Variants in ALG1L2 observed in about 807,000 individuals in gnomAD.
ALG1L2 encodes putative glycosyltransferase ALG1L2.
ALG1L2 carries 32 observed loss-of-function variants against 29.0 expected under a neutral mutation model. The observed-to-expected ratio is 1.10, with a 90% CI of 0.83 to 1.48. ALG1L2 has a LOEUF of 1.48. Ranked by LOEUF, ALG1L2 falls within the 40% of genes most tolerant of loss-of-function variation. ALG1L2 has a pLI of 0.00. For missense variants in ALG1L2, 318 were observed against 274.1 expected (o/e 1.16, Z -1.13); for synonymous variants, 110 against 109.5 (o/e 1.00, Z -0.03).
Position 130,096,240 on chromosome 3 carries a change from C to T in ALG1L2, c.539+77C>T, listed in dbSNP as rs1416588294. On this transcript the variant is annotated intron_variant, in intron 6 of 7. Coordinates refer to ENST00000425059, the MANE Select transcript of ALG1L2 (RefSeq NM_001136152.1). ...TGAGGGGGAAGCAGTGCAGAGTGAG[C>T]TGCCCACAGTGAGGCCCTGCCCCTC... 125 of 1,528,986 alleles carry T rather than the reference C, an allele frequency of 8.2e-5. 1 individual carries two copies. Among genetic ancestry groups the T allele is most frequent in the Non-Finnish European group, 1.0e-4 (114 of 1,123,558 alleles). 94.7% of individuals were successfully genotyped at this position (1,528,986 alleles called of 1,614,324 possible).
chr3:130,094,342 C>G, intron 4 of ALG1L2, 61 bp from the exon 5 acceptor site: 2 of 1,560,308 alleles, frequency 1.3e-6, no homozygotes, highest in Non-Finnish European at 1.7e-6. Context: ...TGTCTTGGGC[C>G]TGGGGCTATG....
At position 130,082,478 on chromosome 3, in the gene ALG1L2, C is replaced by A. The variant is rs1302039509; in HGVS notation, c.20+442C>A. On this transcript the variant is annotated intron_variant, in intron 1 of 7. Coordinates refer to ENST00000425059, the MANE Select transcript of ALG1L2 (RefSeq NM_001136152.1). ...TCAGCCTCCCAAGTAGCTGGGACTA[C>A]AGCCACCTGCCACCACGCCTGGCTA... 1.5e-5 allele frequency among the ~76,000 whole-genome samples: 2 copies of A among 133,210 alleles called. 1 individual carries two copies. The highest frequency in any genetic ancestry group is 3.5e-5 in the Non-Finnish European group (2 of 57,262). The allele number at this position is 133,210 out of a possible 152,430, so 87.4% of individuals were successfully genotyped here. A position where few individuals can be genotyped will look rare whatever the true frequency, so the allele number is the denominator to read the frequency against.
intron 1 of ALG1L2, chr3:130,090,926 G>A (rs1935001026): frequency 1.3e-5 from 4 of 306,272 alleles, no homozygotes; most frequent in South Asian, 9.7e-5. Flanking sequence ...AACAGACTAA[G>A]ACATTCCTCC....
In ALG1L2 at chr3:130,086,096, C is replaced by G. The variant is rs1288916379; in HGVS notation, c.20+4060C>G. Among the ~76,000 whole-genome samples, 9 of 151,692 alleles carry G rather than the reference C, an allele frequency of 5.9e-5. No homozygotes were observed. In the South Asian group the frequency reaches 1.3e-3, roughly 21 times the overall value. ...TGGACAGAAATCACCACGATCCCCTCTTGGCCCCAACCAACATACGCACAG... is the reference window on the plus strand; with the variant it reads ...TGGACAGAAATCACCACGATCCCCTGTTGGCCCCAACCAACATACGCACAG... On this transcript the variant is annotated intron_variant, in intron 1 of 7. Coordinates refer to ENST00000425059, the MANE Select transcript of ALG1L2 (RefSeq NM_001136152.1).
chr3:130,092,740 T>A (rs58991392), intron 3 of ALG1L2, among the ~76,000 whole-genome samples: 9,200 of 152,124 alleles, frequency 0.06, 355 homozygotes, highest in East Asian at 0.19. Context: ...TATTTAAAAA[T>A]TTTTTTCTGA....
At chr3:130,086,493 C>A (rs1934893027) in intron 1 of ALG1L2, among the ~76,000 whole-genome samples, 1 of 147,580 alleles carries the variant, frequency 6.8e-6, no homozygotes, top group African/African-American at 2.6e-5. Context: ...AAAGTGAGAC[C>A]TCGTCTCTAC....
chr3:130,087,248 C>T (rs1473810963), intron 1 of ALG1L2, among the ~76,000 whole-genome samples: 2 of 150,692 alleles, frequency 1.3e-5, no homozygotes, highest in Admixed American at 6.7e-5. Context: ...CTGTGATAGT[C>T]CCACCCCAAA....
At chr3:130,085,795 C>A (rs1264825901) in intron 1 of ALG1L2, among the ~76,000 whole-genome samples, 4 of 148,666 alleles carry the variant, frequency 2.7e-5, no homozygotes, top group Admixed American at 1.4e-4. Flanking sequence ...GAGGCAGAGA[C>A]CAGTGAGGGG....
intron 1 of ALG1L2, among the ~76,000 whole-genome samples, chr3:130,082,876 G>A (rs1934819606): frequency 7.0e-6 from 1 of 143,500 alleles, no homozygotes; most frequent in South Asian, 2.2e-4. Context: ...GATGCTGACA[G>A]CACCAAGAGG....
chr3:130,097,256 CA>C lies in ALG1L2; in HGVS notation c.615+7del. 1 of 1,607,200 alleles carries C rather than the reference CA, an allele frequency of 6.2e-7. No individual in the cohort carries two copies. The highest frequency in any genetic ancestry group is 1.1e-5 in the South Asian group (1 of 90,982). On this transcript the variant is annotated splice_region_variant and intron_variant, in intron 7 of 7. Coordinates refer to ENST00000425059, the MANE Select transcript of ALG1L2 (RefSeq NM_001136152.1). ...AACTGGCAGCTCAGCTGCAGGTAGC[CA>C]TGTCTGCCACCACGCCAGGGTGGAC...
intron 1 of ALG1L2, among the ~76,000 whole-genome samples, chr3:130,084,792 T>C (rs1934856338): frequency 7.8e-6 from 1 of 128,176 alleles, no homozygotes; most frequent in Non-Finnish European, 1.8e-5. Context: ...TGCCAACTCC[T>C]TATCTTGTGG....
chr3:130,082,451 C>T (rs1203551279), intron 1 of ALG1L2, among the ~76,000 whole-genome samples: 2 of 133,258 alleles, frequency 1.5e-5, no homozygotes, highest in Admixed American at 1.6e-4. Flanking sequence ...GATTCTCCTG[C>T]CTCAGCCTCC....
chr3:130,096,608 G>A (rs1009680890), intron 6 of ALG1L2, among the ~76,000 whole-genome samples: 16 of 152,182 alleles, frequency 1.1e-4, no homozygotes, highest in African/African-American at 3.6e-4. Flanking sequence ...TCAGTTAAAT[G>A]AGTGTCATGC....
At chr3:130,088,358 C>T (rs922673394) in intron 1 of ALG1L2, among the ~76,000 whole-genome samples, 7 of 152,302 alleles carry the variant, frequency 4.6e-5, no homozygotes, top group Non-Finnish European at 8.8e-5. Context: ...GTAACTAAAT[C>T]ACGGGGTGGG....
chr3:130,096,010 A>G (rs762041350), intron 5 of ALG1L2, 39 bp from the exon 6 acceptor site: 1 of 1,575,172 alleles, frequency 6.3e-7, no homozygotes, highest in Non-Finnish European at 8.6e-7. Context: ...TTCCCGGGGC[A>G]GAGACCAGCG....
At chr3:130,084,554 G>C (rs1337309473) in intron 1 of ALG1L2, among the ~76,000 whole-genome samples, 1 of 131,480 alleles carries the variant, frequency 7.6e-6, no homozygotes, top group Non-Finnish European at 1.8e-5. Context: ...AGCACTTATG[G>C]GCGGGGCGGT....
chr3:130,086,148 T>G (rs1180641969), intron 1 of ALG1L2, among the ~76,000 whole-genome samples: 14 of 151,372 alleles, frequency 9.2e-5, no homozygotes, highest in Non-Finnish European at 2.1e-4. Flanking sequence ...TGATCATTTA[T>G]TAAAACAAAT....
intron 5 of ALG1L2, 75 bp from the exon 6 acceptor site, chr3:130,095,974 G>C: frequency 6.8e-7 from 1 of 1,466,534 alleles, no homozygotes; most frequent in East Asian, 2.4e-5. Context: ...GGGGGGTGTT[G>C]CCTCACTGTG....
rs200245267 is a variant in ALG1L2 at position 130,091,289 on chromosome 3, T to C, written c.49T>C (p.Ser17Pro). The change falls in exon 2 of 8, where the codon TCT becomes CCT. Residue 17 changes from serine to proline, a missense_variant. Coordinates refer to ENST00000425059, the MANE Select transcript of ALG1L2 (RefSeq NM_001136152.1). Reference sequence around the variant, plus strand: ...TGTGACCGTCTACGACAAGCCGGCATCTTTCTTTAAAGAGGCACCTCTGGA... The same window carrying C: ...TGTGACCGTCTACGACAAGCCGGCACCTTTCTTTAAAGAGGCACCTCTGGA... The part of the protein sequence containing the change: ...WAVTVYDKPA[S>P]FFKEAPLDLQ... The C allele has an allele frequency of 1.5e-3, 2,329 of 1,599,432 alleles. 7 individuals are homozygous for C. The highest frequency in any genetic ancestry group is 3.2e-3 in the Middle Eastern group (14 of 4,428).
Sources: allele counts gnomAD v4.1 joint callset (sites outside exome capture counted in the v4.1 genomes callset), GRCh38; gene constraint gnomAD v4.1.1; transcripts MANE v1.5; gene names NCBI Gene and HGNC (gene_info 2026-07-23, HGNC 2026-07-21).